CADPS2: variants seen among roughly 807,000 people sequenced by gnomAD.
The protein encoded by CADPS2 is calcium dependent secretion activator 2.
A neutral mutation model predicts 172.5 loss-of-function variants in CADPS2; 93 were observed. The observed-to-expected ratio is 0.54, with a 90% confidence interval of 0.46 to 0.64. The LOEUF is 0.64. Among genes scored for constraint, CADPS2 ranks in the 30% least tolerant of loss-of-function variants. CADPS2 has a pLI of 0.00. For synonymous variants in CADPS2, 546 were observed against 555.2 expected, an observed-to-expected ratio of 0.98 and a Z score of 0.23; for missense variants, 1,420 against 1,565.9, an observed-to-expected ratio of 0.91 and a Z score of 1.57.
intron 2 of CADPS2, among the ~76,000 whole-genome samples, chr7:122,735,448 A>G (rs1453261999): frequency 2.0e-5 from 3 of 151,918 alleles, no homozygotes; most frequent in Admixed American, 2.0e-4. Context: ...CAATGGGGAT[A>G]CTCTCTCCTT....
In CADPS2 at chr7:122,415,939, T is replaced by G. The variant is rs2047852435; in HGVS notation, c.2580+122A>C. 6.0e-6 allele frequency: 3 copies of G among 502,176 alleles called. No individual in the cohort carries two copies. The South Asian group carries it at 1.5e-4, about 25-fold the overall frequency. The allele number at this position is 502,176 out of a possible 1,614,324, so 31.1% of individuals were successfully genotyped here. A position where few individuals can be genotyped will look rare whatever the true frequency, so the allele number is the denominator to read the frequency against. On this transcript the variant is annotated intron_variant, in intron 18 of 29. Coordinates refer to ENST00000449022, the MANE Select transcript of CADPS2 (RefSeq NM_017954.11). ...GCAGTGAAACACTGCTTATCGTTGG[T>G]GCTTATTCGTTAAATGTTCAGATAT... is the stretch of plus-strand genomic sequence containing the variant.
chr7:122,441,705 C>T, intron 15 of CADPS2, 130 bp from the exon 16 acceptor site: 1 of 501,166 alleles, frequency 2.0e-6, no homozygotes, highest in Non-Finnish European at 3.5e-6. Context: ...AGCATGAACT[C>T]ATCCAGGGAA....
At chr7:122,583,006 T>C (rs1210039073) in intron 6 of CADPS2, among the ~76,000 whole-genome samples, 1 of 151,978 alleles carries the variant, frequency 6.6e-6, no homozygotes, top group Admixed American at 6.6e-5. Flanking sequence ...GAACTTTGTC[T>C]TTGAACCTGG....
intron 1 of CADPS2, among the ~76,000 whole-genome samples, chr7:122,826,785 C>T (rs1452295056): frequency 1.3e-5 from 2 of 151,834 alleles, no homozygotes; most frequent in African/African-American, 4.8e-5. Flanking sequence ...TTGTGGAACA[C>T]AGCTAAAACA....
At chr7:122,442,630 T>C (rs995409070) in intron 15 of CADPS2, among the ~76,000 whole-genome samples, 1 of 152,218 alleles carries the variant, frequency 6.6e-6, no homozygotes, top group Admixed American at 6.5e-5. Flanking sequence ...GTTTAACTTG[T>C]TTTATACAAC....
chr7:122,872,436 G>A (rs1282555422), intron 1 of CADPS2, among the ~76,000 whole-genome samples: 2 of 152,000 alleles, frequency 1.3e-5, no homozygotes, highest in African/African-American at 4.8e-5. Flanking sequence ...TATAAAACAC[G>A]TCAAAACACA....
chr7:122,852,651 C>T (rs909915993), intron 1 of CADPS2, among the ~76,000 whole-genome samples: 3 of 152,106 alleles, frequency 2.0e-5, no homozygotes, highest in South Asian at 4.1e-4. Flanking sequence ...TAGGAACATG[C>T]TGGCAGTTCC....
chr7:122,782,067 T>G (rs1272004399), intron 1 of CADPS2, among the ~76,000 whole-genome samples: 1 of 152,210 alleles, frequency 6.6e-6, no homozygotes, highest in African/African-American at 2.4e-5. Flanking sequence ...ATTTTACAGT[T>G]GTATCATATT....
At chr7:122,402,633 C>T (rs2046101186) in intron 20 of CADPS2, among the ~76,000 whole-genome samples, 1 of 152,226 alleles carries the variant, frequency 6.6e-6, no homozygotes, top group Admixed American at 6.5e-5. Context: ...AGTACAAATT[C>T]TAACTAATGT....
At chr7:122,476,246 T>G (rs934978096) in intron 12 of CADPS2, among the ~76,000 whole-genome samples, 2 of 152,050 alleles carry the variant, frequency 1.3e-5, no homozygotes, top group African/African-American at 4.8e-5. Flanking sequence ...ATACCTTATT[T>G]CTTTCACCAG....
chr7:122,646,920 G>C (rs2078624863), intron 3 of CADPS2, among the ~76,000 whole-genome samples: 1 of 152,030 alleles, frequency 6.6e-6, no homozygotes, highest in African/African-American at 2.4e-5. Context: ...AGATAATGTA[G>C]TATTATAGAG....
At chr7:122,754,267 A>C (rs970067862) in intron 1 of CADPS2, among the ~76,000 whole-genome samples, 1 of 152,096 alleles carries the variant, frequency 6.6e-6, no homozygotes, top group Non-Finnish European at 1.5e-5. Context: ...TTAAATTTTA[A>C]ATTTTATCAG....
chr7:122,587,463 G>A (rs373896948), intron 6 of CADPS2, among the ~76,000 whole-genome samples: 39 of 152,194 alleles, frequency 2.6e-4, no homozygotes, highest in East Asian at 2.3e-3. Context: ...TTTTATGGCT[G>A]TATGGTATTC....
At chr7:122,852,208 G>A (rs1030491733) in intron 1 of CADPS2, among the ~76,000 whole-genome samples, 2 of 152,110 alleles carry the variant, frequency 1.3e-5, no homozygotes, top group African/African-American at 4.8e-5. Flanking sequence ...AAAAGATTAG[G>A]GGAATGAAAT....
intron 4 of CADPS2, among the ~76,000 whole-genome samples, chr7:122,626,654 T>C (rs2076120226): frequency 6.6e-6 from 1 of 152,178 alleles, no homozygotes; most frequent in Middle Eastern, 3.2e-3. Context: ...CTATCGCAAA[T>C]AAAATGTAAG....
Position 122,629,295 on chromosome 7 carries a change from T to A in CADPS2, c.820A>T (p.Arg274Ter). 1 of 1,610,016 alleles carries A rather than the reference T, an allele frequency of 6.2e-7. No homozygotes were observed. Among genetic ancestry groups the A allele is most frequent in the Non-Finnish European group, 8.5e-7 (1 of 1,178,054 alleles). The change falls in exon 4 of 30, where the codon AGA (arginine) becomes TGA (stop). Residue 274 changes from arginine (R) to a stop codon, truncating the protein, a stop_gained. Transcript: ENST00000449022. LOFTEE classifies it high-confidence loss of function. ...TGCAGCCGGCCATCAAGTTCCCTTC[T>A]GATCTGGGCTGCTTGTTCATCTGCG... ...DNADEQAAQI[R>*]RELDGRLQLA...
intron 1 of CADPS2, among the ~76,000 whole-genome samples, chr7:122,860,474 A>G (rs1231406435): frequency 5.9e-5 from 9 of 151,952 alleles, no homozygotes; most frequent in Non-Finnish European, 1.5e-5. Context: ...GCCTCAAGCA[A>G]TTCTCCTGTC....
intron 2 of CADPS2, among the ~76,000 whole-genome samples, chr7:122,668,304 C>T (rs1335843763): frequency 6.6e-6 from 1 of 151,322 alleles, no homozygotes; most frequent in Non-Finnish European, 1.5e-5. Flanking sequence ...TAGGTGGAAG[C>T]CCATGTGTGT....
At chr7:122,705,853 CAT>C (rs1347500252) in intron 2 of CADPS2, among the ~76,000 whole-genome samples, 3 of 6,540 alleles carry the variant, frequency 4.6e-4, no homozygotes, top group African/African-American at 6.7e-4. Context: ...TATTATATAA[CAT>C]ATTATACATA....
Sources: gnomAD v4.1 joint callset for allele counts (sites outside exome capture counted in the v4.1 genomes callset) on GRCh38, gnomAD v4.1.1 for gene constraint, MANE v1.5 for transcripts, NCBI Gene and HGNC (gene_info 2026-07-23, HGNC 2026-07-21) for gene names.